The following FAM13A variants were observed in gnomAD, a reference collection of about 807,000 sequenced individuals.
FAM13A encodes protein FAM13A.
FAM13A carries 76 observed loss-of-function variants against 129.6 expected under a neutral mutation model. That is an observed-to-expected ratio of 0.59 (90% CI 0.49 to 0.71). The LOEUF is 0.71. Among genes scored for constraint, FAM13A ranks in the 30% least tolerant of loss-of-function variants. The pLI, the probability that FAM13A is intolerant of heterozygous loss-of-function variation, is 0.00. For missense variants in FAM13A, 1,108 were observed against 1,249.3 expected (o/e 0.89, Z 1.70); for synonymous variants, 443 against 449.9 (o/e 0.98, Z 0.20).
Position 88,857,757 on chromosome 4 carries a change from C to T in FAM13A, c.844-6574G>A, listed in dbSNP as rs560887635. ...TTCCTCAACTCTGCCCCTCTCAGCT[C>T]CTCTCTCTTCTGCAAACTGGGAAGT... On this transcript the variant is annotated intron_variant, in intron 6 of 23. Coordinates refer to ENST00000264344, the MANE Select transcript of FAM13A (RefSeq NM_014883.4). Among the ~76,000 whole-genome samples the T allele has an allele frequency of 4.6e-4, 70 of 152,188 alleles. 1 individual carries two copies. The South Asian group carries it at 0.013, about 29-fold the overall frequency.
chr4:88,735,204 G>A (rs764111826), intron 21 of FAM13A, among the ~76,000 whole-genome samples: 10 of 152,070 alleles, frequency 6.6e-5, no homozygotes, highest in Non-Finnish European at 1.5e-4. Context: ...GCTCCAAAGG[G>A]CAAAACTAAG....
chr4:88,901,302 A>G (rs553934514), intron 6 of FAM13A, among the ~76,000 whole-genome samples: 2 of 152,278 alleles, frequency 1.3e-5, no homozygotes, highest in African/African-American at 4.8e-5. Flanking sequence ...CCTGATAGAT[A>G]CCTACAGAAC....
chr4:88,905,569 C>G (rs1017818142), intron 6 of FAM13A: 1 of 152,164 alleles, frequency 6.6e-6, no homozygotes, highest in South Asian at 2.1e-4. Flanking sequence ...CCTCCACCCT[C>G]GAGGAGGTCC....
At chr4:88,879,322 C>G (rs987857335) in intron 6 of FAM13A, among the ~76,000 whole-genome samples, 1 of 152,142 alleles carries the variant, frequency 6.6e-6, no homozygotes, top group Non-Finnish European at 1.5e-5. Flanking sequence ...CACAAAAACT[C>G]TGCAAAGCAG....
intron 3 of FAM13A, among the ~76,000 whole-genome samples, chr4:89,011,368 G>A (rs1048069216): frequency 2.6e-5 from 4 of 152,024 alleles, no homozygotes; most frequent in Non-Finnish European, 4.4e-5. Flanking sequence ...GCTATGTTAC[G>A]TATATATTTA....
chr4:88,843,330 C>T (rs185228002), intron 7 of FAM13A, among the ~76,000 whole-genome samples: 7 of 152,298 alleles, frequency 4.6e-5, no homozygotes, highest in Admixed American at 1.3e-4. Context: ...CCCCCGCAGT[C>T]GGCTATGATA....
At chr4:88,967,089 C>A (rs1759453164) in intron 4 of FAM13A, among the ~76,000 whole-genome samples, 1 of 152,128 alleles carries the variant, frequency 6.6e-6, no homozygotes, top group Admixed American at 6.5e-5. Context: ...AATAATAGTA[C>A]CTAACTTCTA....
intron 7 of FAM13A, among the ~76,000 whole-genome samples, chr4:88,808,117 T>G (rs1340721445): frequency 6.6e-6 from 1 of 152,304 alleles, no homozygotes; most frequent in South Asian, 2.1e-4. Flanking sequence ...AAAGCTTATT[T>G]CTATTTTCCC....
At chr4:88,980,167 A>T (rs1761471676) in intron 4 of FAM13A, among the ~76,000 whole-genome samples, 1 of 152,206 alleles carries the variant, frequency 6.6e-6, no homozygotes, top group South Asian at 2.1e-4. Context: ...TTACTTTATT[A>T]TCCCATCTTT....
chr4:88,793,301 C>A (rs1188985188), intron 8 of FAM13A, among the ~76,000 whole-genome samples: 1 of 151,908 alleles, frequency 6.6e-6, no homozygotes, highest in Non-Finnish European at 1.5e-5. Flanking sequence ...AGAAAAATGA[C>A]CTGAACCATC....
intron 1 of FAM13A, among the ~76,000 whole-genome samples, chr4:89,045,167 G>C (rs17014977): frequency 0.013 from 1,992 of 152,238 alleles, 47 homozygotes; most frequent in African/African-American, 0.045. Flanking sequence ...ATTCAGGAAA[G>C]AGGTGATCAG....
chr4:88,906,924 T>C (rs1748266742), intron 5 of FAM13A, among the ~76,000 whole-genome samples: 1 of 152,218 alleles, frequency 6.6e-6, no homozygotes, highest in Non-Finnish European at 1.5e-5. Context: ...CAAACCACTA[T>C]TAAACGGTGA....
At chr4:88,998,102 C>T (rs1763794867) in intron 3 of FAM13A, among the ~76,000 whole-genome samples, 1 of 152,042 alleles carries the variant, frequency 6.6e-6, no homozygotes, top group Non-Finnish European at 1.5e-5. Flanking sequence ...CCTAGAACAC[C>T]CAGAACAGTC....
At chr4:89,010,950 C>T (rs1405057359) in intron 3 of FAM13A, among the ~76,000 whole-genome samples, 1 of 152,036 alleles carries the variant, frequency 6.6e-6, no homozygotes, top group African/African-American at 2.4e-5. Context: ...CTGGCTCAAG[C>T]GATTTTCCTG....
At chr4:88,829,180 T>C (rs1172531923) in intron 7 of FAM13A, among the ~76,000 whole-genome samples, 2 of 152,246 alleles carry the variant, frequency 1.3e-5, no homozygotes, top group African/African-American at 4.8e-5. Context: ...GATAGGTTTA[T>C]TTCCTAAGAT....
At chr4:89,043,688 C>A (rs1270143390) in intron 1 of FAM13A, among the ~76,000 whole-genome samples, 2 of 151,930 alleles carry the variant, frequency 1.3e-5, no homozygotes, top group Non-Finnish European at 1.5e-5. Context: ...ACAAAAAGAA[C>A]AAAATTTTAA....
chr4:88,998,262 G>A (rs2869972), intron 3 of FAM13A, among the ~76,000 whole-genome samples: 120,865 of 152,090 alleles, frequency 0.79, 48,264 homozygotes, highest in Middle Eastern at 0.88. Flanking sequence ...ATCTGTTATG[G>A]TAGCAATAGG....
rs1560913047 is a variant in FAM13A, at chr4:88,758,856, T to C, written c.1624A>G (p.Lys542Glu). The C allele has an allele frequency of 6.2e-7, 1 of 1,614,040 alleles. No individual in the cohort carries two copies. The highest frequency in any genetic ancestry group is 8.5e-7 in the Non-Finnish European group (1 of 1,179,918). Residue 542 changes from lysine (K) to glutamate (E), a missense_variant, in exon 14 of 24, where the codon AAA becomes GAA. This residue lies in a region of FAM13A where 529 missense variants were observed against 621.2 expected (regional missense o/e 0.85). Coordinates refer to ENST00000264344, the MANE Select transcript of FAM13A (RefSeq NM_014883.4). ...CCGGCATCTTGATTTCTCTGCTGTT[T>C]GGTGTCAGATAGGCTGGGATGCTCC... ...IQEHPSLSDT[K>E]QQRNQDAGDQ...
intron 6 of FAM13A, among the ~76,000 whole-genome samples, chr4:88,897,153 C>CTA (rs766478543): frequency 6.6e-6 from 1 of 152,212 alleles, no homozygotes; most frequent in South Asian, 2.1e-4. Flanking sequence ...CTCCTAACAA[C>CTA]TATACTACGT....
Sources: gnomAD v4.1 joint callset for allele counts (sites outside exome capture counted in the v4.1 genomes callset) on GRCh38, gnomAD v4.1.1 for gene constraint, gnomAD v4.1.1 regional missense constraint, MANE v1.5 for transcripts, NCBI Gene and HGNC (gene_info 2026-07-23, HGNC 2026-07-21) for gene names.